The following SNRPA variants were observed in gnomAD, a reference collection of about 807,000 sequenced individuals.
The protein encoded by SNRPA is small nuclear ribonucleoprotein polypeptide A, also known as U1 small nuclear ribonucleoprotein A.
Under a neutral mutation model 24.5 loss-of-function variants are expected in SNRPA, and 10 were observed. That is an observed-to-expected ratio of 0.41 (90% CI 0.25 to 0.69). SNRPA has a LOEUF of 0.69. Among genes scored for constraint, SNRPA ranks in the 30% least tolerant of loss-of-function variants. SNRPA has a pLI of 0.33. For missense variants in SNRPA, 283 were observed against 394.7 expected, an observed-to-expected ratio of 0.72 and a Z score of 2.40; for synonymous variants, 165 against 148.4, an observed-to-expected ratio of 1.11 and a Z score of -0.81.
At chr19:40,760,871 C>T (rs1208132752) in intron 3 of SNRPA, among the ~76,000 whole-genome samples, 1 of 152,152 alleles carries the variant, frequency 6.6e-6, no homozygotes, top group Non-Finnish European at 1.5e-5. Context: ...AACTGGAGGT[C>T]AAGGCTGCAG....
At chr19:40,755,957 T>A (rs2082906833) in intron 1 of SNRPA, among the ~76,000 whole-genome samples, 1 of 152,116 alleles carries the variant, frequency 6.6e-6, no homozygotes, top group Non-Finnish European at 1.5e-5. Context: ...GGGTTTGTTG[T>A]GAGGAAGTGA....
intron 1 of SNRPA, among the ~76,000 whole-genome samples, chr19:40,755,448 C>T (rs1002414981): frequency 1.3e-5 from 2 of 151,782 alleles, no homozygotes; most frequent in African/African-American, 2.4e-5. Flanking sequence ...GGTCATGGCT[C>T]ACTGCAACCT....
intron 1 of SNRPA, among the ~76,000 whole-genome samples, chr19:40,752,953 A>G (rs1307693719): frequency 6.6e-6 from 1 of 152,192 alleles, no homozygotes; most frequent in Non-Finnish European, 1.5e-5. Flanking sequence ...GGCAGCTAGT[A>G]AAGGGCTGGA....
Position 40,762,941 on chromosome 19 carries a change from A to G in SNRPA, c.467A>G (p.His156Arg), listed in dbSNP as rs761601883. ...PMTQAPRIMH[H>R]MPGQPPYMPP... ...ACTCAGGCGCCCCGCATTATGCACC[A>G]CATGCCGGGCCAGCCGCCCTACATG... The change falls in exon 4 of 6, where the codon CAC becomes CGC. Residue 156 changes from histidine (H) to arginine (R), a missense_variant. By Grantham distance (29) the His-to-Arg change is conservative. Around this residue, in one of 6 missense-constraint regions of SNRPA, gnomAD observed 167 missense variants for 174.3 expected, o/e 0.96. Coordinates refer to ENST00000243563, the MANE Select transcript of SNRPA (RefSeq NM_004596.5). The G allele has an allele frequency of 1.2e-6, 2 of 1,613,796 alleles. No individual in the cohort carries two copies. Among genetic ancestry groups the G allele is most frequent in the Non-Finnish European group, 1.7e-6 (2 of 1,179,944 alleles).
chr19:40,760,552 T>C (rs2082927158), intron 3 of SNRPA, among the ~76,000 whole-genome samples: 1 of 152,140 alleles, frequency 6.6e-6, no homozygotes, highest in Non-Finnish European at 1.5e-5. Flanking sequence ...CGGTAAACAC[T>C]GGACACTGAT....
chr19:40,764,865 C>A, intron 5 of SNRPA, 143 bp from the exon 6 acceptor site: 2 of 684,828 alleles, frequency 2.9e-6, no homozygotes, highest in Non-Finnish European at 4.5e-6. Context: ...GTACTATCTG[C>A]ATTTTGGGCT....
chr19:40,761,542 C>A (rs1228436872), intron 3 of SNRPA, among the ~76,000 whole-genome samples: 1 of 131,856 alleles, frequency 7.6e-6, no homozygotes, highest in Non-Finnish European at 1.6e-5. Flanking sequence ...TCTCAGCTCT[C>A]TGCAACCTGC....
chr19:40,764,955 C>G, intron 5 of SNRPA, 53 bp from the exon 6 acceptor site: 1 of 1,466,358 alleles, frequency 6.8e-7, no homozygotes, highest in East Asian at 2.6e-5. Context: ...CCACTTGATG[C>G]CGTTACGTTA....
intron 1 of SNRPA, among the ~76,000 whole-genome samples, chr19:40,755,575 C>T (rs1242823287): frequency 6.6e-6 from 1 of 152,182 alleles, no homozygotes; most frequent in Non-Finnish European, 1.5e-5. Flanking sequence ...AGGGTTTCAC[C>T]CTATTGCCCA....
At chr19:40,753,990 A>G (rs1269042918) in intron 1 of SNRPA, among the ~76,000 whole-genome samples, 1 of 150,418 alleles carries the variant, frequency 6.6e-6, no homozygotes, top group Non-Finnish European at 1.5e-5. Flanking sequence ...TTTAGTAGAG[A>G]AGGGGTTTAA....
In SNRPA at chr19:40,759,566, G is replaced by A. The variant is rs762398926; in HGVS notation, c.382G>A (p.Gly128Arg). Residue 128 changes from glycine (G) to arginine (R), a missense_variant, in exon 3 of 6, where the codon GGG (glycine) becomes AGG (arginine). By Grantham distance (125) the Gly-to-Arg change is moderately radical. Around this residue, in one of 6 missense-constraint regions of SNRPA, gnomAD observed 167 missense variants for 174.3 expected, o/e 0.96. Coordinates refer to ENST00000243563, the MANE Select transcript of SNRPA (RefSeq NM_004596.5). ...GGCCACCAAGAAGGCTGTGCAAGGC[G>A]GGGGAGCCACCCCCGTGGTGGGGGC... ...TPATKKAVQG[G>R]GATPVVGAVQ... 20 of 1,613,362 alleles carry A rather than the reference G, an allele frequency of 1.2e-5. No homozygotes were observed. Among genetic ancestry groups the A allele is most frequent in the Admixed American group, 5.0e-5 (3 of 59,828 alleles).
At chr19:40,754,204 A>C (rs2082898949) in intron 1 of SNRPA, among the ~76,000 whole-genome samples, 1 of 150,300 alleles carries the variant, frequency 6.7e-6, no homozygotes. Flanking sequence ...CCCGAATTCA[A>C]GTGATTCTCT....
At chr19:40,756,676 C>T (rs915215987) in intron 1 of SNRPA, among the ~76,000 whole-genome samples, 1 of 151,792 alleles carries the variant, frequency 6.6e-6, no homozygotes, top group African/African-American at 2.4e-5. Context: ...AGGCTTATAG[C>T]TCCTCAGGCA....
rs759905151 is a variant in SNRPA, at chr19:40,751,203, C to T, written c.-206C>T. 22 of 591,424 alleles carry T rather than the reference C, an allele frequency of 3.7e-5. No individual in the cohort carries two copies. The highest frequency in any genetic ancestry group is 6.7e-5 in the Non-Finnish European group (22 of 327,312). The allele number at this position is 591,424 out of a possible 1,614,324, so 36.6% of individuals were successfully genotyped here. ...AGTCGTAGTAAATCTCTCGAGAGTT[C>T]TCTCCGCACGCGGGCTGGAGAAGCG... On this transcript the variant is annotated 5_prime_UTR_variant, in exon 1 of 6. Transcript: ENST00000243563.
chr19:40,761,263 G>A (rs1286680609), intron 3 of SNRPA, among the ~76,000 whole-genome samples: 1 of 151,952 alleles, frequency 6.6e-6, no homozygotes, highest in Non-Finnish European at 1.5e-5. Flanking sequence ...TGTGATCGAG[G>A]TACCACTGCA....
Position 40,761,436 on chromosome 19 carries a change from CTT to C in SNRPA, c.427-1462_427-1461del, listed in dbSNP as rs1325720845. On this transcript the variant is annotated intron_variant, in intron 3 of 5. Coordinates refer to ENST00000243563, the MANE Select transcript of SNRPA (RefSeq NM_004596.5). ...ACTCACAAAATATAGTTTCTTTTCT[CTT>C]TTCTTTTCTTTTTCTTTTTCTTTTT... Among the ~76,000 whole-genome samples, 28 of 127,666 alleles carry C rather than the reference CTT, an allele frequency of 2.2e-4. No individual in the cohort carries two copies. The Admixed American group carries it at 2.2e-3, about 10-fold the overall frequency. 83.8% of individuals were successfully genotyped at this position (127,666 alleles called of 152,430 possible).
At chr19:40,754,322 C>T (rs930123180) in intron 1 of SNRPA, among the ~76,000 whole-genome samples, 11 of 151,774 alleles carry the variant, frequency 7.2e-5, no homozygotes, top group Non-Finnish European at 1.2e-4. Flanking sequence ...ATGCTGGTCT[C>T]GAACTCCTGA....
intron 3 of SNRPA, among the ~76,000 whole-genome samples, chr19:40,761,458 C>CTTTTTTTTTTT (rs200242370): frequency 3.8e-4 from 33 of 85,878 alleles, no homozygotes; most frequent in Non-Finnish European, 5.2e-4. Context: ...TTTTCTTTTT[C>CTTTTTTTTTTT]TTTTTTTTTT....
Position 40,751,518 on chromosome 19 carries a change from C to T in SNRPA, c.73+37C>T, listed in dbSNP as rs77758833. The T allele has an allele frequency of 4.0e-3, 5,849 of 1,469,896 alleles. 168 individuals carry two copies. The African/African-American group carries it at 0.067, about 17-fold the overall frequency. 91.1% of individuals were successfully genotyped at this position (1,469,896 alleles called of 1,614,324 possible). On this transcript the variant is annotated intron_variant, in intron 1 of 5. Coordinates refer to ENST00000243563, the MANE Select transcript of SNRPA (RefSeq NM_004596.5). ...GGATAGTCCGGAGTCCAGACTGTCC[C>T]GCACGGGCTGGCCCCTCTTCCGTCC...
Sources: allele counts gnomAD v4.1 joint callset (sites outside exome capture counted in the v4.1 genomes callset), GRCh38; gene constraint gnomAD v4.1.1; regional missense constraint gnomAD v4.1.1; transcripts MANE v1.5; gene names NCBI Gene and HGNC (gene_info 2026-07-23, HGNC 2026-07-21).